Variants in ITLN1 observed in about 807,000 individuals in gnomAD.
ITLN1 encodes the protein intelectin 1, also known as intelectin-1.
A neutral mutation model predicts 36.2 loss-of-function variants in ITLN1; 29 were observed. The observed-to-expected ratio is 0.80, with a 90% CI of 0.60 to 1.09. The LOEUF is 1.09. Among genes scored for constraint, ITLN1 ranks in the 50% least tolerant of loss-of-function variants. ITLN1 has a pLI of 0.00. For synonymous variants in ITLN1, 143 were observed against 146.5 expected (o/e 0.98, Z 0.17); for missense variants, 358 against 405.2 (o/e 0.88, Z 1.00).
chr1:160,882,292 G>C lies in ITLN1; in HGVS notation c.158-88C>G. On this transcript the variant is annotated intron_variant, in intron 3 of 7. Transcript: ENST00000326245. ...GACAAGAAAGGCCCTAGGAACCAGA[G>C]ACATGGCCTAAAGGCTCCTGTCCTG... 3 of 1,495,046 alleles carry C rather than the reference G, an allele frequency of 2.0e-6. No homozygotes were observed. The South Asian group carries it at 4.1e-5, about 20-fold the overall frequency. 92.6% of individuals were successfully genotyped at this position (1,495,046 alleles called of 1,614,324 possible).
intron 2 of ITLN1, among the ~76,000 whole-genome samples, chr1:160,884,319 A>T (rs574539286): frequency 1.3e-5 from 2 of 152,314 alleles, no homozygotes; most frequent in South Asian, 4.1e-4. Flanking sequence ...GACTGACCTC[A>T]GTTTCCTCAT....
rs771914737 is a variant in ITLN1, at chr1:160,879,328, C to A, written c.772G>T (p.Gly258Ter). The change falls in exon 7 of 8, where the codon GGA (glycine) becomes TGA (stop). Residue 258 changes from glycine to a stop codon, truncating the protein, a stop_gained. Transcript: ENST00000326245. LOFTEE classifies it low-confidence loss of function (END_TRUNC). ...NALCAGMRVT[G>*]CNTEHHCIGG... ...AGACTCACGTGCTCAGTGTTACATC[C>A]GGTGACCCTCATTCCAGCACACAAG... 6.2e-7 allele frequency: 1 copy of A among 1,613,650 alleles called. No individual in the cohort carries two copies. Among genetic ancestry groups the A allele is most frequent in the Non-Finnish European group, 8.5e-7 (1 of 1,179,720 alleles).
intron 2 of ITLN1, among the ~76,000 whole-genome samples, chr1:160,883,937 A>G (rs1670718649): frequency 6.6e-6 from 1 of 152,194 alleles, no homozygotes; most frequent in African/African-American, 2.4e-5. Flanking sequence ...AGAACAAAAG[A>G]AAGACTCTGA....
chr1:160,884,838 T>C lies in ITLN1; in HGVS notation c.40A>G (p.Thr14Ala), dbSNP rs961824941. Residue 14 changes from threonine to alanine, a missense_variant, in exon 2 of 8, where the codon ACC becomes GCC. Physicochemically the swap from Thr to Ala is moderately conservative, Grantham distance 58. Transcript: ENST00000326245. ...LSFLLFLIAT[T>A]RGWSTDEANT... ...GACTCACCTGTACTCCATCCTCTGG[T>C]GGTCGCTATGAGAAACAGCAGGAAG... The C allele has an allele frequency of 6.2e-7, 1 of 1,612,566 alleles. No individual in the cohort carries two copies. The highest frequency in any genetic ancestry group is 1.3e-5 in the African/African-American group (1 of 74,828).
Position 160,883,481 on chromosome 1 carries a change from G to A in ITLN1, c.104C>T (p.Pro35Leu), listed in dbSNP as rs1444675320. 2 of 1,613,578 alleles carry A rather than the reference G, an allele frequency of 1.2e-6. No individual in the cohort carries two copies. The highest frequency in any genetic ancestry group is 2.7e-5 in the African/African-American group (2 of 74,906). The change falls in exon 3 of 8, where the codon CCA (proline) becomes CTA (leucine). Residue 35 changes from proline (P) to leucine (L), a missense_variant. Transcript: ENST00000326245. The part of the protein sequence containing the change: ...YFKEWTCSSS[P>L]SLPRSCKEIK... ...TTCCTTGCAGCTTCTGGGCAGAGAT[G>A]GAGACGAAGAACAGGTCCATTCCTT...
At chr1:160,881,341 T>G in intron 4 of ITLN1, 29 bp from the exon 5 acceptor site, 1 of 1,548,560 alleles carries the variant, frequency 6.5e-7, no homozygotes, top group Non-Finnish European at 8.7e-7. Flanking sequence ...TGAGCCTGAC[T>G]GGGCCAGGAG....
At chr1:160,881,883 T>A in intron 4 of ITLN1, 74 bp downstream of exon 4, 2 of 1,521,014 alleles carry the variant, frequency 1.3e-6, no homozygotes, top group Non-Finnish European at 1.8e-6. Flanking sequence ...CTTCCAGCCA[T>A]CCCTCCTGCA....
chr1:160,876,731 C>A lies in ITLN1; in HGVS notation c.875G>T (p.Gly292Val), dbSNP rs1355124553. Reference sequence around the variant, plus strand: ...GCTGCTGCTGTAACCAACATGAGTTCCATATCCACTCCAATCAAAACCAGA... The same window carrying A: ...GCTGCTGCTGTAACCAACATGAGTTACATATCCACTCCAATCAAAACCAGA... ...DFSGFDWSGY[G>V]THVGYSSSRE... Residue 292 changes from glycine to valine, a missense_variant, in exon 8 of 8, where the codon GGA (glycine) becomes GTA (valine). Transcript: ENST00000326245. 1 of 1,614,066 alleles carries A rather than the reference C, an allele frequency of 6.2e-7. No homozygotes were observed. Among genetic ancestry groups the A allele is most frequent in the Non-Finnish European group, 8.5e-7 (1 of 1,180,036 alleles).
intron 6 of ITLN1, 73 bp from the exon 7 acceptor site, chr1:160,879,487 C>T (rs903148974): frequency 1.8e-6 from 2 of 1,140,358 alleles, no homozygotes; most frequent in African/African-American, 1.5e-5. Context: ...AGCCCAGAGG[C>T]TCTCGATGCC....
Position 160,876,544 on chromosome 1 carries a change from G to A in ITLN1, c.*120C>T. ...AATTCACAGAAACACCAAGCCTTGA[G>A]TCAATATGATTTATTGTTTTCTCTT... On this transcript the variant is annotated 3_prime_UTR_variant, in exon 8 of 8. Transcript: ENST00000326245. The A allele has an allele frequency of 1.2e-5, 13 of 1,071,800 alleles. No homozygotes were observed. The South Asian group carries it at 1.9e-4, about 15-fold the overall frequency. The allele number at this position is 1,071,800 out of a possible 1,614,324, so 66.4% of individuals were successfully genotyped here.
At chr1:160,878,664 C>A (rs945378838) in intron 7 of ITLN1, among the ~76,000 whole-genome samples, 1 of 152,080 alleles carries the variant, frequency 6.6e-6, no homozygotes, top group African/African-American at 2.4e-5. Context: ...GGATTACAGG[C>A]GGGAGCCACC....
rs374218069 is a variant in ITLN1, at chr1:160,876,669, G to A, written c.937C>T (p.Arg313Cys). The A allele has an allele frequency of 7.0e-5, 113 of 1,614,000 alleles. No individual in the cohort carries two copies. The highest frequency in any genetic ancestry group is 8.8e-5 in the Non-Finnish European group (104 of 1,180,002). Reference sequence around the variant, plus strand: ...GGTTCCCTCCCACAAAACTCTCAACGATAGAATAGAAGCACAGCTGCCTCA... The same window carrying A: ...GGTTCCCTCCCACAAAACTCTCAACAATAGAATAGAAGCACAGCTGCCTCA... ...ITEAAVLLFY[R>C] Residue 313 changes from arginine to cysteine, a missense_variant, in exon 8 of 8, where the codon CGT becomes TGT. Transcript: ENST00000326245.
At chr1:160,881,634 C>T (rs1670679707) in intron 4 of ITLN1, 1 of 497,142 alleles carries the variant, frequency 2.0e-6, no homozygotes, top group Non-Finnish European at 3.5e-6. Context: ...CATGGTGAAA[C>T]CCCATCTCTA....
intron 7 of ITLN1, 52 bp from the exon 8 acceptor site, chr1:160,876,868 C>T (rs1310777329): frequency 1.3e-6 from 2 of 1,571,080 alleles, no homozygotes; most frequent in Non-Finnish European, 1.7e-6. Context: ...CCAGTGAGGC[C>T]AATGCCATCT....
At chr1:160,882,394 G>T in intron 3 of ITLN1, 190 bp from the exon 4 acceptor site, 1 of 554,102 alleles carries the variant, frequency 1.8e-6, no homozygotes, top group Non-Finnish European at 3.0e-6. Context: ...AACTGAGGCA[G>T]AACATAGAAT....
At position 160,879,234 on chromosome 1, in the gene ITLN1, A is replaced by C. The variant is rs1670639601; in HGVS notation, c.789+77T>G. The C allele has an allele frequency of 5.1e-6, 5 of 971,958 alleles. No individual in the cohort carries two copies. The Admixed American group carries it at 6.9e-5, about 13-fold the overall frequency. The allele number at this position is 971,958 out of a possible 1,614,324, so 60.2% of individuals were successfully genotyped here. ...ACACACCCCAGTCATACCACACTCAACACACTCACACATACCAACACACAC... is the reference window on the plus strand; with the variant it reads ...ACACACCCCAGTCATACCACACTCACCACACTCACACATACCAACACACAC... On this transcript the variant is annotated intron_variant, in intron 7 of 7. Transcript: ENST00000326245.
intron 4 of ITLN1, 86 bp downstream of exon 4, chr1:160,881,871 A>T: frequency 6.3e-7 from 1 of 1,585,008 alleles, no homozygotes; most frequent in Non-Finnish European, 8.6e-7. Flanking sequence ...CCACACCCCT[A>T]CCTTCCAGCC....
At chr1:160,877,706 G>C (rs1166436797) in intron 7 of ITLN1, among the ~76,000 whole-genome samples, 2 of 152,150 alleles carry the variant, frequency 1.3e-5, no homozygotes, top group Admixed American at 1.3e-4. Context: ...TTTGGACCTG[G>C]GTCCCCACAA....
At position 160,883,515 on chromosome 1, in the gene ITLN1, T is replaced by C; in HGVS notation, c.70A>G (p.Thr24Ala). Residue 24 changes from threonine (T) to alanine (A), a missense_variant, in exon 3 of 8, where the codon ACT (threonine) becomes GCT (alanine). Coordinates refer to ENST00000326245, the MANE Select transcript of ITLN1 (RefSeq NM_017625.3). ...GAACAGGTCCATTCCTTGAAGTAAGTATTAGCCTCATCTAGGGAATACACA... is the reference window on the plus strand; with the variant it reads ...GAACAGGTCCATTCCTTGAAGTAAGCATTAGCCTCATCTAGGGAATACACA... ...TRGWSTDEANTYFKEWTCSSS... is the reference protein window; with the variant it reads ...TRGWSTDEANAYFKEWTCSSS... 1 of 1,610,020 alleles carries C rather than the reference T, an allele frequency of 6.2e-7. No homozygotes were observed. The highest frequency in any genetic ancestry group is 2.2e-5 in the East Asian group (1 of 44,826).
Sources: allele counts gnomAD v4.1 joint callset (sites outside exome capture counted in the v4.1 genomes callset), GRCh38; gene constraint gnomAD v4.1.1; transcripts MANE v1.5; gene names NCBI Gene and HGNC (gene_info 2026-07-23, HGNC 2026-07-21).